The following PRDM2 variants were observed in gnomAD, a reference collection of about 807,000 sequenced individuals.
The protein encoded by PRDM2 is PR domain zinc finger protein 2.
PRDM2 carries 30 observed loss-of-function variants against 130.0 expected under a neutral mutation model. The ratio of observed to expected loss-of-function variants is 0.23; its 90% CI spans 0.17 to 0.31. The LOEUF is 0.31. Among genes scored for constraint, PRDM2 ranks in the 10% least tolerant of loss-of-function variants. The pLI is 1.00. For synonymous variants in PRDM2, 871 were observed against 782.4 expected, an observed-to-expected ratio of 1.11 and a Z score of -1.89; for missense variants, 2,011 against 2,108.4, an observed-to-expected ratio of 0.95 and a Z score of 0.90.
intron 1 of PRDM2, among the ~76,000 whole-genome samples, chr1:13,701,371 A>G (rs1043598346): frequency 6.6e-6 from 1 of 152,226 alleles, no homozygotes; most frequent in Non-Finnish European, 1.5e-5. Context: ...TTAACAACAA[A>G]TGGAACTCTT....
chr1:13,787,749 T>TAC (rs1240468885), intron 8 of PRDM2: 2 of 984,142 alleles, frequency 2.0e-6, no homozygotes, highest in Non-Finnish European at 2.4e-6. Flanking sequence ...TGCTCCTGTA[T>TAC]TGAACTTTGC....
At chr1:13,733,629 AT>A (rs1557606803) in intron 4 of PRDM2, among the ~76,000 whole-genome samples, 1 of 152,244 alleles carries the variant, frequency 6.6e-6, no homozygotes, top group East Asian at 1.9e-4. Flanking sequence ...AAAACCCTCA[AT>A]TAAAAAAATA....
chr1:13,816,531 CA>C lies in PRDM2; in HGVS notation c.5142del (p.Phe1715SerfsTer21). On this transcript the variant is annotated frameshift_variant, in exon 9 of 10. Coordinates refer to ENST00000311066, the MANE Select transcript of PRDM2 (RefSeq NM_001393986.1). LOFTEE classifies it high-confidence loss of function. Reference sequence around the variant, plus strand: ...CCAGCTGCAGCCCAGTTCCAGGGACCATTCTTCAAAGAGTAGACACTCTGGC... The same window carrying C: ...CCAGCTGCAGCCCAGTTCCAGGGACCTTCTTCAAAGAGTAGACACTCTGGC... Reference protein sequence around the residue: ...KAPAAAQFQGPFFKE With the variant: ...KAPAAAQFQGXFFKE The C allele has an allele frequency of 1.2e-6, 2 of 1,614,094 alleles. No individual in the cohort carries two copies. The highest frequency in any genetic ancestry group is 1.7e-6 in the Non-Finnish European group (2 of 1,180,000).
intron 6 of PRDM2, among the ~76,000 whole-genome samples, chr1:13,750,842 T>C: frequency 6.6e-6 from 1 of 152,182 alleles, no homozygotes; most frequent in East Asian, 1.9e-4. Flanking sequence ...AGTGCTTAAC[T>C]GTTTGTAGTG....
chr1:13,781,220 C>T lies in PRDM2; in HGVS notation c.3425C>T (p.Pro1142Leu). ...KNFVCNVCES[P>L]FLSIKDLTKH... ...TTTGTTTGCAACGTCTGTGAATCACCTTTTCTTTCCATTAAAGATCTAACC... is the reference window on the plus strand; with the variant it reads ...TTTGTTTGCAACGTCTGTGAATCACTTTTTCTTTCCATTAAAGATCTAACC... Residue 1142 changes from proline (P) to leucine (L), a missense_variant, in exon 8 of 10, where the codon CCT becomes CTT. By Grantham distance (98) the Pro-to-Leu change is moderately conservative. This residue lies in a region of PRDM2 where 229 missense variants were observed against 364.1 expected (regional missense o/e 0.63). Coordinates refer to ENST00000311066, the MANE Select transcript of PRDM2 (RefSeq NM_001393986.1). This position sits in a 1 kb window ranked among gnomAD's most constrained non-coding sequence, Gnocchi z 6.1. The T allele has an allele frequency of 6.2e-7, 1 of 1,614,186 alleles. No homozygotes were observed.
Position 13,777,058 on chromosome 1 carries a change from T to C in PRDM2, c.623-1360T>C, listed in dbSNP as rs1042250540. 3.3e-5 allele frequency among the ~76,000 whole-genome samples: 5 copies of C among 152,354 alleles called. No homozygotes were observed. In the East Asian group the frequency reaches 9.6e-4, roughly 29 times the overall value. On this transcript the variant is annotated intron_variant, in intron 7 of 9. Coordinates refer to ENST00000311066, the MANE Select transcript of PRDM2 (RefSeq NM_001393986.1). ...CTTTAGCACGTCTGAAGTAAGCTCTTGATTTCCCCCACAACACGCACATGC... is the reference window on the plus strand; with the variant it reads ...CTTTAGCACGTCTGAAGTAAGCTCTCGATTTCCCCCACAACACGCACATGC...
rs1287366481 is a variant in PRDM2 at position 13,779,930 on chromosome 1, C to T, written c.2135C>T (p.Ala712Val). 3 of 1,614,056 alleles carry T rather than the reference C, an allele frequency of 1.9e-6. No homozygotes were observed. The African/African-American group carries it at 4.0e-5, about 22-fold the overall frequency. ...GCAGGGATTTCAGCAACTGAAATAG[C>T]TAAATTAGGTCCTGTTTGTGTGTCT... is the stretch of plus-strand genomic sequence containing the variant. ...TPAGISATEI[A>V]KLGPVCVSAP... The change falls in exon 8 of 10, where the codon GCT (alanine) becomes GTT (valine). Residue 712 changes from alanine to valine, a missense_variant. Physicochemically the swap from Ala to Val is moderately conservative, Grantham distance 64. Transcript: ENST00000311066. The surrounding 1 kb of genome is among the most constrained non-coding windows in gnomAD (Gnocchi z 4.9).
intron 6 of PRDM2, among the ~76,000 whole-genome samples, chr1:13,767,472 T>C (rs1644254619): frequency 6.6e-6 from 1 of 150,574 alleles, no homozygotes; most frequent in Non-Finnish European, 1.5e-5. Context: ...TTTCTATTTT[T>C]TTTTTTTTTT....
chr1:13,707,881 A>G (rs1214867748), intron 1 of PRDM2, among the ~76,000 whole-genome samples: 1 of 151,642 alleles, frequency 6.6e-6, no homozygotes, highest in Admixed American at 6.6e-5. Context: ...AGCTAAGATA[A>G]TATGTTTTAA....
chr1:13,778,273 A>C, intron 7 of PRDM2, 145 bp from the exon 8 acceptor site: 2 of 870,470 alleles, frequency 2.3e-6, no homozygotes, highest in Admixed American at 2.5e-5. Flanking sequence ...AATTAAGTAT[A>C]TAAAGTAGAA....
At chr1:13,821,431 C>CATTTATTTATTTATTTATTT (rs112704883) in intron 9 of PRDM2, among the ~76,000 whole-genome samples, 1 of 138,200 alleles carries the variant, frequency 7.2e-6, no homozygotes, top group African/African-American at 2.7e-5. Context: ...ATGCAGTGAA[C>CATTTATTTATTTATTTATTT]ATTTATTTAT....
intron 7 of PRDM2, among the ~76,000 whole-genome samples, chr1:13,775,085 T>C (rs1207437245): frequency 1.3e-5 from 2 of 152,178 alleles, no homozygotes; most frequent in Non-Finnish European, 2.9e-5. Context: ...CAGCAAATGG[T>C]CTATACCATG....
At chr1:13,821,640 T>A (rs1261093518) in intron 9 of PRDM2, among the ~76,000 whole-genome samples, 1 of 152,030 alleles carries the variant, frequency 6.6e-6, no homozygotes, top group Non-Finnish European at 1.5e-5. Context: ...TGTATTTTTG[T>A]ATTTTTAGTA....
Position 13,754,379 on chromosome 1 carries a change from G to C in PRDM2, c.511+4892G>C, listed in dbSNP as rs184168276. Among the ~76,000 whole-genome samples, 5 of 152,154 alleles carry C rather than the reference G, an allele frequency of 3.3e-5. No homozygotes were observed. The East Asian group carries it at 9.7e-4, about 29-fold the overall frequency. Reference sequence around the variant, plus strand: ...AGCCACGCACAGGTCAGACTTAGTGGGTGTTCTGGTTGATGTGGGAGAGAA... The same window carrying C: ...AGCCACGCACAGGTCAGACTTAGTGCGTGTTCTGGTTGATGTGGGAGAGAA... On this transcript the variant is annotated intron_variant, in intron 6 of 9. Transcript: ENST00000311066.
intron 2 of PRDM2, among the ~76,000 whole-genome samples, chr1:13,730,790 C>A (rs1331571386): frequency 6.6e-6 from 1 of 152,118 alleles, no homozygotes; most frequent in Non-Finnish European, 1.5e-5. Flanking sequence ...CACAGACATG[C>A]TTGAAGGTTG....
intron 5 of PRDM2, among the ~76,000 whole-genome samples, chr1:13,742,553 C>T (rs994541015): frequency 2.0e-5 from 3 of 152,194 alleles, no homozygotes; most frequent in Admixed American, 1.3e-4. Context: ...AATGACTTTG[C>T]AGACCTGGGA....
chr1:13,709,359 A>G lies in PRDM2; in HGVS notation c.-65-6182A>G, dbSNP rs565260198. Among the ~76,000 whole-genome samples, 3 of 152,352 alleles carry G rather than the reference A, an allele frequency of 2.0e-5. No homozygotes were observed. In the South Asian group the frequency reaches 6.2e-4, roughly 32 times the overall value. Reference sequence around the variant, plus strand: ...TGAAGAAAAAAAGTTCACAGATTGTAATTTAGGAATTGTGCGTGGTAGTTT... The same window carrying G: ...TGAAGAAAAAAAGTTCACAGATTGTGATTTAGGAATTGTGCGTGGTAGTTT... On this transcript the variant is annotated intron_variant, in intron 1 of 9. Coordinates refer to ENST00000311066, the MANE Select transcript of PRDM2 (RefSeq NM_001393986.1).
At position 13,803,804 on chromosome 1, in the gene PRDM2, T is replaced by C. The variant is rs569735351; in HGVS notation, c.5037-12623T>C. Reference sequence around the variant, plus strand: ...TGTTACGAGCTTCTCACATGCTGGGTATTTAGAGTTCAACCCAAACAGGTT... The same window carrying C: ...TGTTACGAGCTTCTCACATGCTGGGCATTTAGAGTTCAACCCAAACAGGTT... On this transcript the variant is annotated intron_variant, in intron 8 of 9. Transcript: ENST00000311066. The surrounding 1 kb of genome is among the most constrained non-coding windows in gnomAD (Gnocchi z 6.2). Among the ~76,000 whole-genome samples the C allele has an allele frequency of 3.3e-5, 5 of 152,010 alleles. No homozygotes were observed. The highest frequency in any genetic ancestry group is 2.9e-5 in the Non-Finnish European group (2 of 68,014).
chr1:13,715,648 T>C (rs367769136), intron 2 of PRDM2, 34 bp downstream of exon 2: 1 of 1,561,040 alleles, frequency 6.4e-7, no homozygotes, highest in Non-Finnish European at 8.7e-7. Context: ...TACAAATACA[T>C]GACCTAGATG....
Sources: allele counts gnomAD v4.1 joint callset (sites outside exome capture counted in the v4.1 genomes callset), GRCh38; gene constraint gnomAD v4.1.1; regional missense constraint gnomAD v4.1.1; non-coding constraint Gnocchi (gnomAD v3.1); transcripts MANE v1.5; gene names NCBI Gene and HGNC (gene_info 2026-07-23, HGNC 2026-07-21).